KANSL1: variants seen among roughly 807,000 people sequenced by gnomAD.
KANSL1 encodes the protein KAT8 regulatory NSL complex subunit 1.
A neutral mutation model predicts 103.6 loss-of-function variants in KANSL1; 22 were observed. That is an observed-to-expected ratio of 0.21 (90% confidence interval 0.15 to 0.30). The LOEUF is 0.30. KANSL1 is among the 10% of genes least tolerant of loss of function. KANSL1 has a pLI of 1.00. For synonymous variants in KANSL1, 600 were observed against 527.6 expected (o/e 1.14, Z -1.88); for missense variants, 1,337 against 1,399.8 (o/e 0.96, Z 0.72).
At chr17:46,055,191 C>T (rs1326274155) in intron 6 of KANSL1, among the ~76,000 whole-genome samples, 4 of 149,014 alleles carry the variant, frequency 2.7e-5, no homozygotes, top group African/African-American at 7.4e-5. Context: ...AGGCCAGGCG[C>T]GGTGGCTCAC....
At chr17:46,221,990 TGTAATTTTTAAGGTTTCTA>T (rs1469588211) in intron 1 of KANSL1, 2 of 152,120 alleles carry the variant, frequency 1.3e-5, no homozygotes, top group Non-Finnish European at 2.9e-5. Flanking sequence ...AGACGAACAC[TGTAATTTTTAAGGTTTCTA>T]AGTAATAAAA....
intron 2 of KANSL1, among the ~76,000 whole-genome samples, chr17:46,114,469 A>G (rs17577313): frequency 0.14 from 21,694 of 152,108 alleles, 2,124 homozygotes; most frequent in Non-Finnish European, 0.22. Context: ...CCTAACATGC[A>G]GAACTAAAAC....
intron 1 of KANSL1, among the ~76,000 whole-genome samples, chr17:46,213,945 T>C (rs2048256602): frequency 6.6e-6 from 1 of 151,810 alleles, no homozygotes; most frequent in Admixed American, 6.6e-5. Flanking sequence ...ATGCAAGAAC[T>C]AATGTCACAA....
At chr17:46,176,893 T>C (rs1186137628) in intron 1 of KANSL1, among the ~76,000 whole-genome samples, 2 of 151,562 alleles carry the variant, frequency 1.3e-5, no homozygotes, top group Non-Finnish European at 2.9e-5. Flanking sequence ...GGAGAGAGAG[T>C]GCAGAGAACA....
At chr17:46,148,899 TAAAA>T (rs202016754) in intron 2 of KANSL1, among the ~76,000 whole-genome samples, 1 of 138,888 alleles carries the variant, frequency 7.2e-6, no homozygotes, top group African/African-American at 2.7e-5. Context: ...TGCTTACACT[TAAAA>T]AAAAAAAAAA....
chr17:46,094,397 A>C (rs2079534122), intron 3 of KANSL1, 163 bp downstream of exon 3: 1 of 858,810 alleles, frequency 1.2e-6, no homozygotes, highest in South Asian at 1.7e-5. Context: ...ACGCGCAGCC[A>C]CATCAGGTTC....
At chr17:46,036,476 T>G (rs143920877) in intron 10 of KANSL1, among the ~76,000 whole-genome samples, 2,911 of 152,348 alleles carry the variant, frequency 0.019, 35 homozygotes, top group Middle Eastern at 0.051. Context: ...TTTTCATTAT[T>G]CTCTAAACAA....
chr17:46,048,987 A>G (rs977061936), intron 7 of KANSL1, among the ~76,000 whole-genome samples: 12 of 152,196 alleles, frequency 7.9e-5, no homozygotes, highest in African/African-American at 2.9e-4. Flanking sequence ...GCTCAGACCC[A>G]TCCCAGCCAC....
At chr17:46,166,213 CAA>C (rs147552413) in intron 2 of KANSL1, among the ~76,000 whole-genome samples, 16 of 95,012 alleles carry the variant, frequency 1.7e-4, no homozygotes, top group Admixed American at 4.6e-4. Flanking sequence ...GACTCTGTCT[CAA>C]AAAAAAAAAA....
chr17:46,048,887 ACTT>A (rs1020882192), intron 7 of KANSL1, among the ~76,000 whole-genome samples: 3 of 152,176 alleles, frequency 2.0e-5, no homozygotes, highest in African/African-American at 7.2e-5. Flanking sequence ...GAAAAAAAAA[ACTT>A]CTTTTAAACT....
chr17:46,215,680 T>C (rs907061185), intron 1 of KANSL1, among the ~76,000 whole-genome samples: 2 of 152,228 alleles, frequency 1.3e-5, no homozygotes, highest in Non-Finnish European at 2.9e-5. Context: ...TGGGTGACAC[T>C]ACCGCTCACT....
chr17:46,064,053 T>TA (rs58111244), intron 6 of KANSL1, among the ~76,000 whole-genome samples: 13,459 of 105,320 alleles, frequency 0.13, 787 homozygotes, highest in Non-Finnish European at 0.14. Context: ...CGACTATTAG[T>TA]AAAAAAAAAA....
chr17:46,160,209 C>T (rs543995047), intron 2 of KANSL1, among the ~76,000 whole-genome samples: 3 of 152,284 alleles, frequency 2.0e-5, no homozygotes, highest in South Asian at 4.1e-4. Flanking sequence ...TCAATAAATA[C>T]TAATTCCTTT....
At chr17:46,210,755 A>G (rs1597976305) in intron 1 of KANSL1, among the ~76,000 whole-genome samples, 1 of 152,384 alleles carries the variant, frequency 6.6e-6, no homozygotes, top group Non-Finnish European at 1.5e-5. Flanking sequence ...AAATAAGGGA[A>G]CGGAGTGATG....
At chr17:46,046,975 TAAAAG>T (rs1373332767) in intron 7 of KANSL1, among the ~76,000 whole-genome samples, 4 of 151,944 alleles carry the variant, frequency 2.6e-5, no homozygotes, top group Non-Finnish European at 4.4e-5. Context: ...CAAGGGAAGG[TAAAAG>T]TCAGTGACTC....
intron 2 of KANSL1, among the ~76,000 whole-genome samples, chr17:46,118,884 A>G (rs1026168002): frequency 1.3e-5 from 2 of 152,076 alleles, no homozygotes; most frequent in Admixed American, 6.5e-5. Flanking sequence ...CAAATTTTCT[A>G]TTCTACATTC....
Position 46,058,733 on chromosome 17 carries a change from ACACACACACACTCT to A in KANSL1, c.1848+7790_1848+7803del, listed in dbSNP as rs1326746842. Among the ~76,000 whole-genome samples the A allele has an allele frequency of 5.5e-3, 337 of 61,134 alleles. 4 individuals are homozygous for A. Among genetic ancestry groups the A allele is most frequent in the East Asian group, 0.032 (124 of 3,910 alleles). The allele number at this position is 61,134 out of a possible 152,430, so 40.1% of individuals were successfully genotyped here. The stretch of plus-strand genomic sequence containing the variant: ...AAAACACACACACACACACACACAC[ACACACACACACTCT>A]CTCTCTCTCTCTCTCTCTCTCTCTC... On this transcript the variant is annotated intron_variant, in intron 6 of 14. Transcript: ENST00000432791.
At chr17:46,060,487 T>G (rs1223002080) in intron 6 of KANSL1, among the ~76,000 whole-genome samples, 1 of 152,164 alleles carries the variant, frequency 6.6e-6, no homozygotes, top group Non-Finnish European at 1.5e-5. Context: ...AGGTAACTGT[T>G]CCAAGCACAG....
At position 46,039,012 on chromosome 17, in the gene KANSL1, T is replaced by G. The variant is rs769760161; in HGVS notation, c.2392+15A>C. The G allele has an allele frequency of 3.1e-6, 5 of 1,601,682 alleles. No homozygotes were observed. In the African/African-American group the frequency reaches 6.8e-5, roughly 22 times the overall value. ...GGTGCAGTTGCAGGTAGAGGTGCCA[T>G]GGGCCTGGCCCTACCTTCACTTCTC... On this transcript the variant is annotated intron_variant, in intron 9 of 14. Coordinates refer to ENST00000432791, the MANE Select transcript of KANSL1 (RefSeq NM_015443.4).
Sources: allele counts gnomAD v4.1 joint callset (sites outside exome capture counted in the v4.1 genomes callset), GRCh38; gene constraint gnomAD v4.1.1; transcripts MANE v1.5; gene names NCBI Gene and HGNC (gene_info 2026-07-23, HGNC 2026-07-21).